ZNF236: variants seen among roughly 807,000 people sequenced by gnomAD.
The protein encoded by ZNF236 is zinc finger protein 236, also known as regulated by glucose.
Under a neutral mutation model 191.2 loss-of-function variants are expected in ZNF236, and 50 were observed. That is an observed-to-expected ratio of 0.26 (90% CI 0.21 to 0.33). The LOEUF is 0.33. Ranked by LOEUF, ZNF236 falls within the 10% of genes least tolerant of loss-of-function variation. ZNF236 has a pLI of 1.00. For synonymous variants in ZNF236, 907 were observed against 928.8 expected (o/e 0.98, Z 0.43); for missense variants, 1,754 against 2,374.5 (o/e 0.74, Z 5.43).
Position 76,833,324 on chromosome 18 carries a change from T to C in ZNF236, c.55+10662T>C, listed in dbSNP as rs113057834. Among the ~76,000 whole-genome samples, 235 of 152,276 alleles carry C rather than the reference T, an allele frequency of 1.5e-3. 3 individuals carry two copies. The highest frequency in any genetic ancestry group is 5.1e-3 in the African/African-American group (211 of 41,578). ...ATTATATTATTAACTAGGGTGCTTG[T>C]TGTGGGTTTCTTTTGGGGGGTGGAG... On this transcript the variant is annotated intron_variant, in intron 1 of 30. Transcript: ENST00000320610.
At chr18:76,884,946 C>T (rs1310293906) in intron 9 of ZNF236, 1 of 152,204 alleles carries the variant, frequency 6.6e-6, no homozygotes, top group Non-Finnish European at 1.5e-5. Flanking sequence ...AGAAAATCCT[C>T]AGTAAGTGTA....
intron 10 of ZNF236, chr18:76,895,504 A>G (rs1977377953): frequency 4.6e-6 from 3 of 650,596 alleles, no homozygotes; most frequent in Non-Finnish European, 7.8e-6. Context: ...GGACTGCACA[A>G]AGGTCTCAAA....
chr18:76,935,881 G>T (rs1967979455), intron 25 of ZNF236: 2 of 440,402 alleles, frequency 4.5e-6, no homozygotes, highest in African/African-American at 2.0e-5. Context: ...GCGGATGCTG[G>T]AGCAGGCGGG....
At chr18:76,862,212 C>G (rs1261912348) in intron 3 of ZNF236, among the ~76,000 whole-genome samples, 4 of 152,228 alleles carry the variant, frequency 2.6e-5, no homozygotes, top group African/African-American at 7.2e-5. Context: ...TTGAAGAAGC[C>G]TGCAGCCTTC....
chr18:76,966,087 G>A (rs1476453324), intron 30 of ZNF236, among the ~76,000 whole-genome samples: 1 of 152,164 alleles, frequency 6.6e-6, no homozygotes, highest in Non-Finnish European at 1.5e-5. Context: ...TGTCTCCTGG[G>A]TCCTGCAGGA....
intron 26 of ZNF236, among the ~76,000 whole-genome samples, chr18:76,944,480 G>T (rs891511841): frequency 2.0e-5 from 3 of 152,132 alleles, no homozygotes; most frequent in African/African-American, 7.2e-5. Flanking sequence ...TTTAAATCAG[G>T]GTATTTGCAT....
intron 1 of ZNF236, among the ~76,000 whole-genome samples, chr18:76,822,937 C>T (rs1020016151): frequency 2.7e-5 from 4 of 148,120 alleles, no homozygotes; most frequent in African/African-American, 4.9e-5. Flanking sequence ...GGTGAGGGAG[C>T]AGGCGGCCGC....
intron 22 of ZNF236, among the ~76,000 whole-genome samples, chr18:76,926,006 A>G (rs547072602): frequency 3.3e-5 from 5 of 152,196 alleles, no homozygotes; most frequent in African/African-American, 7.2e-5. Context: ...GCCGTTGTAC[A>G]TGGCAGTCAG....
At chr18:76,830,833 A>G (rs1176625546) in intron 1 of ZNF236, among the ~76,000 whole-genome samples, 4 of 152,274 alleles carry the variant, frequency 2.6e-5, no homozygotes, top group African/African-American at 7.2e-5. Context: ...CTATACTAAT[A>G]CAGTTTTTAT....
At chr18:76,912,137 A>ATCC (rs1283083909) in intron 16 of ZNF236, 107 bp from the exon 17 acceptor site, 43 of 785,906 alleles carry the variant, frequency 5.5e-5, no homozygotes, top group Non-Finnish European at 7.6e-5. Flanking sequence ...TCTCTCTTAG[A>ATCC]TCCACATTTT....
chr18:76,827,143 A>T (rs1414481121), intron 1 of ZNF236, among the ~76,000 whole-genome samples: 1 of 151,282 alleles, frequency 6.6e-6, no homozygotes. Context: ...TGATCCTCCC[A>T]CCTCGCCCTC....
Position 76,923,156 on chromosome 18 carries a change from C to A in ZNF236, c.3643C>A (p.His1215Asn). The A allele has an allele frequency of 6.2e-7, 1 of 1,612,738 alleles. No homozygotes were observed. Among genetic ancestry groups the A allele is most frequent in the South Asian group, 1.1e-5 (1 of 91,048 alleles). The change falls in exon 21 of 31, where the codon CAT becomes AAT. Residue 1215 changes from histidine to asparagine, a missense_variant. His to Asn is a moderately conservative substitution (Grantham distance 68). Coordinates refer to ENST00000320610, the MANE Select transcript of ZNF236 (RefSeq NM_001306089.2). ...SFTVKSTLDCHVKTHTGQKLF... is the reference protein window; with the variant it reads ...SFTVKSTLDCNVKTHTGQKLF... Reference sequence around the variant, plus strand: ...TACTGTGAAATCCACTCTCGATTGTCATGTGAAGACTCACACAGGTAAGGA... The same window carrying A: ...TACTGTGAAATCCACTCTCGATTGTAATGTGAAGACTCACACAGGTAAGGA...
intron 27 of ZNF236, among the ~76,000 whole-genome samples, chr18:76,948,645 T>A (rs919147266): frequency 6.6e-6 from 1 of 152,130 alleles, no homozygotes; most frequent in African/African-American, 2.4e-5. Flanking sequence ...TCCAGTGAGG[T>A]CACACGGACA....
intron 1 of ZNF236, among the ~76,000 whole-genome samples, chr18:76,827,397 A>G (rs1975049108): frequency 6.6e-6 from 1 of 152,134 alleles, no homozygotes; most frequent in African/African-American, 2.4e-5. Context: ...CCTGTTAGCT[A>G]GGATGGTCTC....
Position 76,910,777 on chromosome 18 carries a change from T to G in ZNF236, c.2771T>G (p.Leu924Trp). 3 of 1,614,130 alleles carry G rather than the reference T, an allele frequency of 1.9e-6. No homozygotes were observed. The highest frequency in any genetic ancestry group is 2.5e-6 in the Non-Finnish European group (3 of 1,180,014). The change falls in exon 16 of 31, where the codon TTG (leucine) becomes TGG (tryptophan). Residue 924 changes from leucine (L) to tryptophan (W), a missense_variant. Leu to Trp is a moderately conservative substitution (Grantham distance 61, BLOSUM62 -2). Around this residue, in one of 5 missense-constraint regions of ZNF236, gnomAD observed 641 missense variants for 869.6 expected, o/e 0.74. Coordinates refer to ENST00000320610, the MANE Select transcript of ZNF236 (RefSeq NM_001306089.2). Reference protein sequence around the residue: ...ALSTSFHQQSLLQAPSSDGMN... With the variant: ...ALSTSFHQQSWLQAPSSDGMN... ...TCCACAAGCTTCCACCAGCAGAGCTTGCTGCAGGCTCCCAGCTCTGATGGG... is the reference window on the plus strand; with the variant it reads ...TCCACAAGCTTCCACCAGCAGAGCTGGCTGCAGGCTCCCAGCTCTGATGGG...
chr18:76,893,428 G>A (rs1215285375), intron 9 of ZNF236, among the ~76,000 whole-genome samples: 2 of 152,142 alleles, frequency 1.3e-5, no homozygotes, highest in Admixed American at 6.5e-5. Context: ...ATTTGTGTCT[G>A]TACCTTTCTT....
intron 1 of ZNF236, among the ~76,000 whole-genome samples, chr18:76,826,596 G>A (rs1481060861): frequency 6.7e-6 from 1 of 150,066 alleles, no homozygotes; most frequent in Non-Finnish European, 1.5e-5. Flanking sequence ...TTTGAGACCA[G>A]CCTGGCCCCC....
chr18:76,834,973 T>G (rs567838434), intron 1 of ZNF236: 99 of 152,636 alleles, frequency 6.5e-4, no homozygotes, highest in Non-Finnish European at 1.1e-3. Context: ...TACATTTTAT[T>G]TTCTGTTTTT....
intron 28 of ZNF236, 62 bp downstream of exon 28, chr18:76,956,244 A>C: frequency 1.3e-6 from 2 of 1,520,764 alleles, no homozygotes; most frequent in South Asian, 2.4e-5. Flanking sequence ...TGCGGAGTCC[A>C]AGATTTAACA....
Sources: gnomAD v4.1 joint callset for allele counts (sites outside exome capture counted in the v4.1 genomes callset) on GRCh38, gnomAD v4.1.1 for gene constraint, gnomAD v4.1.1 regional missense constraint, MANE v1.5 for transcripts, NCBI Gene and HGNC (gene_info 2026-07-23, HGNC 2026-07-21) for gene names.